MICALL1: variants seen among roughly 807,000 people sequenced by gnomAD.
MICALL1 encodes MICAL-like protein 1.
MICALL1 carries 61 observed loss-of-function variants against 83.7 expected under a neutral mutation model. The ratio of observed to expected loss-of-function variants is 0.73; its 90% CI spans 0.59 to 0.90. The LOEUF is 0.90. Ranked by LOEUF, MICALL1 falls within the 40% of genes least tolerant of loss-of-function variation. MICALL1 has a pLI of 0.00. For synonymous variants in MICALL1, 481 were observed against 473.6 expected (o/e 1.02, Z -0.20); for missense variants, 1,066 against 1,152.0 (o/e 0.93, Z 1.08).
intron 6 of MICALL1, among the ~76,000 whole-genome samples, chr22:37,922,889 C>T (rs530360878): frequency 8.9e-4 from 132 of 147,500 alleles, no homozygotes; most frequent in Non-Finnish European, 1.4e-3. Flanking sequence ...CTGCCTGCCT[C>T]GGCCTCCCAA....
chr22:37,927,367 T>C, intron 8 of MICALL1, 44 bp from the exon 9 acceptor site: 9 of 1,508,366 alleles, frequency 6.0e-6, no homozygotes, highest in Non-Finnish European at 8.0e-6. Context: ...TGGAAGCCCT[T>C]GTGGTGCTCC....
rs1405321522 is a variant in MICALL1, at chr22:37,932,384, G to T, written c.2017-169G>T. Among the ~76,000 whole-genome samples, 1 of 152,164 alleles carries T rather than the reference G, an allele frequency of 6.6e-6. No homozygotes were observed. Among genetic ancestry groups the T allele is most frequent in the Non-Finnish European group, 1.5e-5 (1 of 68,026 alleles). On this transcript the variant is annotated intron_variant, in intron 10 of 15. Coordinates refer to ENST00000215957, the MANE Select transcript of MICALL1 (RefSeq NM_033386.4). The surrounding 1 kb of genome is among the most constrained non-coding windows in gnomAD (Gnocchi z 4.4). ...ACCAGTGGCATGCAGGGTTGTGGCT[G>T]TCCCCACACTGGCCCCTTCCCCACT...
At chr22:37,922,599 A>AT (rs1290769105) in intron 6 of MICALL1, among the ~76,000 whole-genome samples, 173 bp downstream of exon 6, 89 of 69,618 alleles carry the variant, frequency 1.3e-3, no homozygotes, top group South Asian at 2.2e-3. Context: ...ATATATATAT[A>AT]TATTTTTTTT....
chr22:37,939,502 G>A (rs149487351), intron 15 of MICALL1, among the ~76,000 whole-genome samples: 104 of 151,134 alleles, frequency 6.9e-4, no homozygotes, highest in African/African-American at 2.1e-3. Flanking sequence ...GGGGCCAGGC[G>A]CGGTGGCTCA....
chr22:37,912,417 A>G lies in MICALL1; in HGVS notation c.262A>G (p.Met88Val). 1 of 1,613,986 alleles carries G rather than the reference A, an allele frequency of 6.2e-7. No homozygotes were observed. ...CCTGGACCCCAATGACATGGTCTCCATGAGCGTCCCTGACTGCCTCAGCAT... is the reference window on the plus strand; with the variant it reads ...CCTGGACCCCAATGACATGGTCTCCGTGAGCGTCCCTGACTGCCTCAGCAT... ...ALLDPNDMVS[M>V]SVPDCLSIMT... Residue 88 changes from methionine to valine, a missense_variant, in exon 3 of 16, where the codon ATG becomes GTG. Coordinates refer to ENST00000215957, the MANE Select transcript of MICALL1 (RefSeq NM_033386.4).
chr22:37,917,820 G>T, intron 4 of MICALL1, 25 bp downstream of exon 4: 1 of 1,607,114 alleles, frequency 6.2e-7, no homozygotes, highest in Non-Finnish European at 8.5e-7. Context: ...GGAGAGGTGG[G>T]AGGGCCAGGG....
In MICALL1 at chr22:37,925,954, C is replaced by T. The variant is rs1929406184; in HGVS notation, c.1376C>T (p.Ser459Phe). 1.2e-6 allele frequency: 2 copies of T among 1,613,812 alleles called. No individual in the cohort carries two copies. Among genetic ancestry groups the T allele is most frequent in the Non-Finnish European group, 1.7e-6 (2 of 1,179,914 alleles). ...GGCCACCCGGAGTCCACACCCAAGT[C>T]CCTGCACCCCTGGTACGGCATCACC... Reference protein sequence around the residue: ...ALGHPESTPKSLHPWYGITPT... With the variant: ...ALGHPESTPKFLHPWYGITPT... Residue 459 changes from serine (S) to phenylalanine (F), a missense_variant, in exon 8 of 16, where the codon TCC (serine) becomes TTC (phenylalanine). Transcript: ENST00000215957.
chr22:37,940,680 T>C, intron 15 of MICALL1, 29 bp from the exon 16 acceptor site: 1 of 1,612,024 alleles, frequency 6.2e-7, no homozygotes, highest in South Asian at 1.1e-5. Flanking sequence ...TTCTCCACTT[T>C]ATTAAGTGCT....
At chr22:37,909,837 T>C (rs1928203946) in intron 1 of MICALL1, among the ~76,000 whole-genome samples, 1 of 151,960 alleles carries the variant, frequency 6.6e-6, no homozygotes, top group Non-Finnish European at 1.5e-5. Context: ...TCCTCAGTGA[T>C]GGGTTGGGAG....
In MICALL1 at chr22:37,930,036, C is replaced by T. The variant is rs886995244; in HGVS notation, c.1882-1763C>T. The stretch of plus-strand genomic sequence containing the variant: ...TGAGGGGCTGGCGGCACCAAGTGTC[C>T]TGAGTGCTCGAAAGACCCCCTGGTT... On this transcript the variant is annotated intron_variant, in intron 9 of 15. Transcript: ENST00000215957. This position sits in a 1 kb window ranked among gnomAD's most constrained non-coding sequence, Gnocchi z 4.8. Among the ~76,000 whole-genome samples, 14 of 152,242 alleles carry T rather than the reference C, an allele frequency of 9.2e-5. No individual in the cohort carries two copies. Among genetic ancestry groups the T allele is most frequent in the African/African-American group, 3.1e-4 (13 of 41,460 alleles).
rs575415642 is a variant in MICALL1 at position 37,931,909 on chromosome 22, C to T, written c.1992C>T (p.His664=). The change falls in exon 10 of 16, where the codon CAC becomes CAT. Residue 664 remains histidine (H), a synonymous_variant. Transcript: ENST00000215957. ...SKPVRPPAPG[H]GFPLIKRKVQ... ...CAGTGAGGCCACCTGCCCCTGGACACGGCTTTCCACTCATCAAACGCAAGG... is the reference window on the plus strand; with the variant it reads ...CAGTGAGGCCACCTGCCCCTGGACATGGCTTTCCACTCATCAAACGCAAGG... 1.5e-5 allele frequency: 25 copies of T among 1,614,140 alleles called. No individual in the cohort carries two copies. In the East Asian group the frequency reaches 1.8e-4, roughly 12 times the overall value.
chr22:37,931,739 G>A, intron 9 of MICALL1, 60 bp from the exon 10 acceptor site: 1 of 1,597,720 alleles, frequency 6.3e-7, no homozygotes, highest in Non-Finnish European at 8.6e-7. Flanking sequence ...ATATGAGGCT[G>A]CTGGGGTCTC....
At chr22:37,925,080 G>T (rs1198731736) in intron 7 of MICALL1, among the ~76,000 whole-genome samples, 1 of 152,186 alleles carries the variant, frequency 6.6e-6, no homozygotes, top group Non-Finnish European at 1.5e-5. Flanking sequence ...CTCAGCTGTA[G>T]TACCAGTCCC....
In MICALL1 at chr22:37,911,875, C is replaced by T. The variant is rs552957383; in HGVS notation, c.147-77C>T. 7,877 of 1,447,604 alleles carry T rather than the reference C, an allele frequency of 5.4e-3. 37 individuals carry two copies. The highest frequency in any genetic ancestry group is 6.5e-3 in the Non-Finnish European group (6,738 of 1,028,734). 89.7% of individuals were successfully genotyped at this position (1,447,604 alleles called of 1,614,324 possible). On this transcript the variant is annotated intron_variant, in intron 1 of 15. Transcript: ENST00000215957. ...GGACAAGGTCTTCTCTGTTCAGCTC[C>T]TTTCTGACTCTGACCCCGCCCCTAT...
chr22:37,926,720 C>G (rs946133961), intron 8 of MICALL1: 1 of 152,854 alleles, frequency 6.5e-6, no homozygotes, highest in South Asian at 2.1e-4. Context: ...ATGGGACCCC[C>G]TCTCACAGTG....
At position 37,942,435 on chromosome 22, in the gene MICALL1, G is replaced by A. The variant is rs2145681300; in HGVS notation, c.*1605G>A. 6.6e-6 allele frequency: 1 copy of A among 152,246 alleles called. No homozygotes were observed. The highest frequency in any genetic ancestry group is 1.9e-4 in the East Asian group (1 of 5,178). 9.4% of individuals were successfully genotyped at this position (152,246 alleles called of 1,614,324 possible). A position where few individuals can be genotyped will look rare whatever the true frequency, so the allele number is the denominator to read the frequency against. On this transcript the variant is annotated 3_prime_UTR_variant, in exon 16 of 16. Coordinates refer to ENST00000215957, the MANE Select transcript of MICALL1 (RefSeq NM_033386.4). ...TGGGCCCGGTGTTGCCAGATCCTTT[G>A]TCATAAGAAGCTAGAAATCCAGATT...
At chr22:37,928,840 C>G (rs768745622) in intron 9 of MICALL1, among the ~76,000 whole-genome samples, 1 of 152,148 alleles carries the variant, frequency 6.6e-6, no homozygotes, top group Non-Finnish European at 1.5e-5. Context: ...AAACCCTATC[C>G]TGGCTGGGCG....
In MICALL1 at chr22:37,927,442, G is replaced by A. The variant is rs1411432704; in HGVS notation, c.1497G>A (p.Glu499=). 1 of 1,594,926 alleles carries A rather than the reference G, an allele frequency of 6.3e-7. No individual in the cohort carries two copies. The highest frequency in any genetic ancestry group is 1.7e-5 in the Admixed American group (1 of 59,700). ...ALHASRLSHS[E]PPSATPSPAL... ...ACGCCTCCCGCCTCTCGCACTCGGAGCCGCCCTCGGCCACACCATCGCCAG... is the reference window on the plus strand; with the variant it reads ...ACGCCTCCCGCCTCTCGCACTCGGAACCGCCCTCGGCCACACCATCGCCAG... Residue 499 remains glutamate (E), a synonymous_variant, in exon 9 of 16, where the codon GAG becomes GAA. Transcript: ENST00000215957.
intron 9 of MICALL1, 97 bp downstream of exon 9, chr22:37,927,923 T>C (rs1929570334): frequency 7.6e-7 from 1 of 1,308,482 alleles, no homozygotes; most frequent in African/African-American, 1.5e-5. Context: ...TCTTAATTTT[T>C]TTGAGATGGA....
Sources: allele counts gnomAD v4.1 joint callset (sites outside exome capture counted in the v4.1 genomes callset), GRCh38; gene constraint gnomAD v4.1.1; non-coding constraint Gnocchi (gnomAD v3.1); transcripts MANE v1.5; gene names NCBI Gene and HGNC (gene_info 2026-07-23, HGNC 2026-07-21).